Variants in RYR3 observed in about 807,000 individuals in gnomAD.
RYR3 encodes the protein ryanodine receptor 3.
RYR3 carries 207 observed loss-of-function variants against 584.3 expected under a neutral mutation model. The observed-to-expected ratio is 0.35, with a 90% CI of 0.32 to 0.40. The LOEUF is 0.40. Among genes scored for constraint, RYR3 ranks in the 10% least tolerant of loss-of-function variants. The pLI is 1.00. For missense variants in RYR3, 5,616 were observed against 6,089.2 expected (o/e 0.92, Z 2.59); for synonymous variants, 2,416 against 2,248.5 (o/e 1.07, Z -2.11).
intron 69 of RYR3, among the ~76,000 whole-genome samples, chr15:33,806,470 T>C (rs2076215668): frequency 6.7e-6 from 1 of 150,346 alleles, no homozygotes; most frequent in Admixed American, 6.6e-5. Context: ...CTGGGCAACA[T>C]AGCGAAACCC....
intron 42 of RYR3, among the ~76,000 whole-genome samples, chr15:33,701,838 A>C (rs2066326637): frequency 1.3e-5 from 2 of 152,150 alleles, no homozygotes. Context: ...GAAGCATGCC[A>C]GGGATGTTTG....
intron 1 of RYR3, among the ~76,000 whole-genome samples, chr15:33,319,900 G>A (rs1032990797): frequency 9.2e-5 from 14 of 152,088 alleles, no homozygotes; most frequent in Non-Finnish European, 1.6e-4. Flanking sequence ...TTTGGTTTAC[G>A]CCAAGTTCTC....
chr15:33,574,766 G>A (rs2058208443), intron 12 of RYR3, among the ~76,000 whole-genome samples: 2 of 152,094 alleles, frequency 1.3e-5, no homozygotes, highest in African/African-American at 4.8e-5. Context: ...ATGCCTAGGA[G>A]AGCTCATTAG....
intron 12 of RYR3, 129 bp downstream of exon 12, chr15:33,566,928 A>G (rs555128251): frequency 4.5e-4 from 479 of 1,069,400 alleles, no homozygotes; most frequent in Non-Finnish European, 6.0e-4. Flanking sequence ...GAGTTTTACC[A>G]TCAAGAGCTT....
At chr15:33,475,606 A>G (rs535840609) in intron 2 of RYR3, among the ~76,000 whole-genome samples, 46 of 152,314 alleles carry the variant, frequency 3.0e-4, no homozygotes, top group Admixed American at 1.1e-3. Context: ...AACTGGGTCC[A>G]TGGCCCCAGG....
At chr15:33,810,769 G>C in intron 71 of RYR3, 120 bp downstream of exon 71, 3 of 1,297,006 alleles carry the variant, frequency 2.3e-6, no homozygotes, top group Non-Finnish European at 3.2e-6. Context: ...GCAGAAACCA[G>C]TGTGTATGGA....
chr15:33,854,504 A>T, intron 97 of RYR3, 55 bp downstream of exon 97: 1 of 1,410,580 alleles, frequency 7.1e-7, no homozygotes, highest in Middle Eastern at 1.8e-4. Flanking sequence ...GGGATGCCAC[A>T]GAGAAGCAAG....
chr15:33,538,414 G>GGGAA (rs1229319391), intron 5 of RYR3, among the ~76,000 whole-genome samples: 11 of 152,148 alleles, frequency 7.2e-5, no homozygotes, highest in African/African-American at 2.7e-4. Flanking sequence ...GAGGGAGGGA[G>GGGAA]GGAAAGGAGC....
Position 33,623,103 on chromosome 15 carries a change from G to C in RYR3, c.2358-704G>C, listed in dbSNP as rs1405232282. On this transcript the variant is annotated intron_variant, in intron 19 of 103. Coordinates refer to ENST00000634891, the MANE Select transcript of RYR3 (RefSeq NM_001036.6). ...TGCAGGAGGTGGGCCAGGGTGTCAGGACTGGGTACTATCAGGAGGATGATA... is the reference window on the plus strand; with the variant it reads ...TGCAGGAGGTGGGCCAGGGTGTCAGCACTGGGTACTATCAGGAGGATGATA... 2.0e-5 allele frequency among the ~76,000 whole-genome samples: 3 copies of C among 152,180 alleles called. No homozygotes were observed. In the East Asian group the frequency reaches 5.8e-4, roughly 29 times the overall value.
intron 3 of RYR3, among the ~76,000 whole-genome samples, chr15:33,505,221 G>A (rs1008515488): frequency 1.3e-5 from 2 of 152,088 alleles, no homozygotes; most frequent in African/African-American, 2.4e-5. Context: ...TGTGATCTTG[G>A]GTACATCTAA....
In RYR3 at chr15:33,579,986, C is replaced by T. The variant is rs776720726; in HGVS notation, c.1279C>T (p.Arg427Cys). The T allele has an allele frequency of 2.1e-5, 33 of 1,608,222 alleles. No individual in the cohort carries two copies. Among genetic ancestry groups the T allele is most frequent in the African/African-American group, 9.4e-5 (7 of 74,566 alleles). The change falls in exon 13 of 104, where the codon CGC becomes TGC. Residue 427 changes from arginine (R) to cysteine (C), a missense_variant. This residue lies in a region of RYR3 where 1,284 missense variants were observed against 1,344.6 expected (regional missense o/e 0.95). Coordinates refer to ENST00000634891, the MANE Select transcript of RYR3 (RefSeq NM_001036.6). Reference sequence around the variant, plus strand: ...TCTCATGGTTTTTAGCGGAAACAATCGCACAGCTGCCCCCATCACCCTGCC... The same window carrying T: ...TCTCATGGTTTTTAGCGGAAACAATTGCACAGCTGCCCCCATCACCCTGCC... ...LFSQFVSGNN[R>C]TAAPITLPIE...
chr15:33,644,228 T>G, intron 27 of RYR3, 83 bp from the exon 28 acceptor site: 2 of 1,059,272 alleles, frequency 1.9e-6, no homozygotes, highest in Non-Finnish European at 2.8e-6. Flanking sequence ...TCAAAGCCCT[T>G]AAGGAAGCAA....
chr15:33,811,232 G>A (rs12594219), intron 72 of RYR3, among the ~76,000 whole-genome samples, 195 bp downstream of exon 72: 5,059 of 152,070 alleles, frequency 0.033, 281 homozygotes, highest in East Asian at 0.26. Flanking sequence ...ATGGCTGGGC[G>A]CGGTGGCTCA....
chr15:33,706,409 C>G (rs745495526), intron 42 of RYR3, among the ~76,000 whole-genome samples: 6 of 152,188 alleles, frequency 3.9e-5, no homozygotes, highest in Non-Finnish European at 8.8e-5. Flanking sequence ...TCCCCCAAGT[C>G]CCTGGCAACC....
chr15:33,831,995 A>T (rs1050965755), intron 86 of RYR3, among the ~76,000 whole-genome samples: 2 of 152,170 alleles, frequency 1.3e-5, no homozygotes, highest in Non-Finnish European at 2.9e-5. Context: ...AAATTATTCA[A>T]TATAAGATGA....
intron 23 of RYR3, among the ~76,000 whole-genome samples, chr15:33,632,027 G>T (rs1318381076): frequency 6.6e-6 from 1 of 152,238 alleles, no homozygotes; most frequent in Non-Finnish European, 1.5e-5. Context: ...CAGGCTGCTG[G>T]CCAGAGCTGC....
At chr15:33,346,249 A>G (rs757585207) in intron 1 of RYR3, among the ~76,000 whole-genome samples, 1 of 152,200 alleles carries the variant, frequency 6.6e-6, no homozygotes, top group Non-Finnish European at 1.5e-5. Flanking sequence ...GACATAACTG[A>G]GAGGGAGTTG....
chr15:33,723,364 A>G (rs1441074117), intron 44 of RYR3, among the ~76,000 whole-genome samples: 5 of 152,208 alleles, frequency 3.3e-5, no homozygotes, highest in African/African-American at 1.2e-4. Context: ...AAATAAATAA[A>G]TAAATAAATA....
At chr15:33,561,572 A>G (rs1172887011) in intron 10 of RYR3, among the ~76,000 whole-genome samples, 1 of 152,218 alleles carries the variant, frequency 6.6e-6, no homozygotes, top group Non-Finnish European at 1.5e-5. Flanking sequence ...CATTGTACTG[A>G]GCATGGTAAT....
Sources: allele counts gnomAD v4.1 joint callset (sites outside exome capture counted in the v4.1 genomes callset), GRCh38; gene constraint gnomAD v4.1.1; regional missense constraint gnomAD v4.1.1; transcripts MANE v1.5; gene names NCBI Gene and HGNC (gene_info 2026-07-23, HGNC 2026-07-21).